Variants in TNNI3K observed in about 807,000 individuals in gnomAD.
The protein encoded by TNNI3K is TNNI3 interacting kinase, also known as serine/threonine-protein kinase TNNI3K.
A neutral mutation model predicts 114.5 loss-of-function variants in TNNI3K; 140 were observed. The ratio of observed to expected loss-of-function variants is 1.22; its 90% CI spans 1.07 to 1.41. TNNI3K has a LOEUF of 1.41. Ranked by LOEUF, TNNI3K falls within the 40% of genes most tolerant of loss-of-function variation. The pLI, the probability that TNNI3K is intolerant of heterozygous loss-of-function variation, is 0.00. For missense variants in TNNI3K, 1,125 were observed against 1,007.6 expected (o/e 1.12, Z -1.58); for synonymous variants, 347 against 347.5 (o/e 1.00, Z 0.02).
chr1:74,436,875 G>A (rs1320058199), intron 19 of TNNI3K, among the ~76,000 whole-genome samples: 1 of 152,016 alleles, frequency 6.6e-6, no homozygotes, highest in African/African-American at 2.4e-5. Context: ...AATAAAATTA[G>A]TAGTTCATCA....
At chr1:74,529,787 A>T (rs546337693) in intron 23 of TNNI3K, among the ~76,000 whole-genome samples, 1 of 152,316 alleles carries the variant, frequency 6.6e-6, no homozygotes, top group African/African-American at 2.4e-5. Context: ...AAGAAAGTTC[A>T]TATATTCACT....
intron 20 of TNNI3K, among the ~76,000 whole-genome samples, chr1:74,452,913 T>C (rs554281691): frequency 4.3e-4 from 65 of 152,262 alleles, no homozygotes; most frequent in South Asian, 8.3e-4. Context: ...TCAGAGACAC[T>C]CTTCTCCACT....
Position 74,439,187 on chromosome 1 carries a change from A to G in TNNI3K, c.1879-303A>G, listed in dbSNP as rs568773084. Reference sequence around the variant, plus strand: ...AAATAATGCTGCTTCTCATTGTATAAGAGGCAGACTTACTTGATGATTAAT... The same window carrying G: ...AAATAATGCTGCTTCTCATTGTATAGGAGGCAGACTTACTTGATGATTAAT... On this transcript the variant is annotated intron_variant, in intron 19 of 24. Coordinates refer to ENST00000326637, the MANE Select transcript of TNNI3K (RefSeq NM_015978.3). The G allele has an allele frequency of 6.3e-5, 15 of 238,514 alleles. No individual in the cohort carries two copies. The South Asian group carries it at 1.9e-3, about 31-fold the overall frequency. 14.8% of individuals were successfully genotyped at this position (238,514 alleles called of 1,614,324 possible).
At chr1:74,495,224 G>A (rs947673855) in intron 23 of TNNI3K, among the ~76,000 whole-genome samples, 6 of 152,324 alleles carry the variant, frequency 3.9e-5, no homozygotes, top group South Asian at 2.1e-4. Context: ...TGCTGTGAGC[G>A]TGCATTCAAG....
intron 17 of TNNI3K, among the ~76,000 whole-genome samples, chr1:74,432,908 T>C (rs965591566): frequency 1.3e-5 from 2 of 152,038 alleles, no homozygotes; most frequent in African/African-American, 4.8e-5. Context: ...CCAGCTATGA[T>C]ACAGGACACT....
intron 23 of TNNI3K, among the ~76,000 whole-genome samples, chr1:74,506,048 A>G (rs886136739): frequency 3.9e-5 from 6 of 152,172 alleles, no homozygotes; most frequent in African/African-American, 9.7e-5. Context: ...AGTGTTAACT[A>G]TGCCACTAAG....
intron 23 of TNNI3K, among the ~76,000 whole-genome samples, chr1:74,517,232 T>C (rs749824093): frequency 3.9e-5 from 6 of 152,166 alleles, no homozygotes; most frequent in Non-Finnish European, 7.4e-5. Flanking sequence ...ATTTTACAGA[T>C]GGGGACAAAA....
At chr1:74,369,880 T>C (rs572692368) in intron 16 of TNNI3K, 3 of 304,804 alleles carry the variant, frequency 9.8e-6, no homozygotes, top group Middle Eastern at 9.3e-4. Context: ...ATAAAGAAGA[T>C]ATATGTAAGC....
chr1:74,433,636 C>T (rs111318813), intron 17 of TNNI3K, among the ~76,000 whole-genome samples: 1 of 152,104 alleles, frequency 6.6e-6, no homozygotes, highest in Non-Finnish European at 1.5e-5. Context: ...TATGAACTCT[C>T]ATTGTCCTGT....
At chr1:74,418,483 A>C (rs1665239043) in intron 17 of TNNI3K, 1 of 154,812 alleles carries the variant, frequency 6.5e-6, no homozygotes, top group South Asian at 1.9e-4. Flanking sequence ...ATTTGAGGTG[A>C]TACTGGATTT....
intron 17 of TNNI3K, among the ~76,000 whole-genome samples, chr1:74,432,118 T>A (rs1200096202): frequency 6.6e-6 from 1 of 152,096 alleles, no homozygotes; most frequent in Non-Finnish European, 1.5e-5. Context: ...TGTGTACATG[T>A]TTGTATATTA....
intron 21 of TNNI3K, chr1:74,480,796 C>T: frequency 1.4e-6 from 1 of 717,570 alleles, no homozygotes; most frequent in African/African-American, 1.7e-5. Context: ...TGTGCTCCAG[C>T]AACAAGGTCC....
chr1:74,461,459 G>A (rs1217365475), intron 20 of TNNI3K, among the ~76,000 whole-genome samples: 1 of 146,656 alleles, frequency 6.8e-6, no homozygotes, highest in African/African-American at 2.6e-5. Flanking sequence ...CAGCCTGGGT[G>A]ACACAGTGAG....
chr1:74,310,738 A>AAC (rs1658943023), intron 5 of TNNI3K, among the ~76,000 whole-genome samples: 1 of 152,318 alleles, frequency 6.6e-6, no homozygotes, highest in South Asian at 2.1e-4. Flanking sequence ...TTGTTGATTA[A>AAC]ACAACACTTG....
chr1:74,331,693 T>C, intron 6 of TNNI3K, 145 bp downstream of exon 6: 1 of 625,550 alleles, frequency 1.6e-6, no homozygotes, highest in African/African-American at 1.9e-5. Flanking sequence ...TTGAGGAGCT[T>C]GTAGATCCAT....
chr1:74,391,595 A>T (rs559637873), intron 17 of TNNI3K, among the ~76,000 whole-genome samples: 1 of 152,196 alleles, frequency 6.6e-6, no homozygotes, highest in Non-Finnish European at 1.5e-5. Flanking sequence ...TTAAGAAGAG[A>T]CCTTCAGAAA....
At chr1:74,413,958 A>G (rs1056619798) in intron 17 of TNNI3K, among the ~76,000 whole-genome samples, 1 of 152,174 alleles carries the variant, frequency 6.6e-6, no homozygotes, top group Non-Finnish European at 1.5e-5. Flanking sequence ...GGATTTCACA[A>G]CGAGTACATC....
intron 5 of TNNI3K, among the ~76,000 whole-genome samples, chr1:74,321,032 G>T (rs1352771021): frequency 6.6e-6 from 1 of 152,154 alleles, no homozygotes; most frequent in Non-Finnish European, 1.5e-5. Context: ...TTGAGCAGTT[G>T]CAATGTAGTG....
intron 17 of TNNI3K, among the ~76,000 whole-genome samples, chr1:74,433,862 C>T (rs1243853783): frequency 1.3e-5 from 2 of 152,024 alleles, no homozygotes; most frequent in Non-Finnish European, 2.9e-5. Context: ...TTATATGGCT[C>T]TTTCTCACTG....
Sources: gnomAD v4.1 joint callset for allele counts (sites outside exome capture counted in the v4.1 genomes callset) on GRCh38, gnomAD v4.1.1 for gene constraint, MANE v1.5 for transcripts, NCBI Gene and HGNC (gene_info 2026-07-23, HGNC 2026-07-21) for gene names.